Variants in BSN observed in about 807,000 individuals in gnomAD.
The protein encoded by BSN is bassoon presynaptic cytomatrix protein.
A neutral mutation model predicts 264.8 loss-of-function variants in BSN; 57 were observed. That is an observed-to-expected ratio of 0.22 (90% confidence interval 0.17 to 0.27). The LOEUF (loss-of-function observed/expected upper bound fraction) is 0.27, where lower values mean the gene tolerates loss of function less well. BSN is among the 10% of genes least tolerant of loss of function. BSN has a pLI of 1.00. For missense variants in BSN, 4,615 were observed against 5,232.5 expected (o/e 0.88, Z 3.64); for synonymous variants, 2,059 against 2,137.3 (o/e 0.96, Z 1.01).
chr3:49,620,818 C>G (rs2052299749), intron 1 of BSN, among the ~76,000 whole-genome samples: 1 of 152,160 alleles, frequency 6.6e-6, no homozygotes, highest in Non-Finnish European at 1.5e-5. Flanking sequence ...AACTCCGACT[C>G]TACTAAAAAT....
At chr3:49,662,680 G>A in intron 6 of BSN, 118 bp downstream of exon 6, 1 of 1,481,724 alleles carries the variant, frequency 6.7e-7, no homozygotes, top group Non-Finnish European at 8.9e-7. Context: ...TCATCTGGTG[G>A]GCCCTGCTGC....
At chr3:49,557,773 T>A (rs1159710089) in intron 1 of BSN, among the ~76,000 whole-genome samples, 1 of 152,086 alleles carries the variant, frequency 6.6e-6, no homozygotes. Context: ...GAGATGGGAT[T>A]TCACCGTGGT....
At chr3:49,595,513 A>T (rs1166372113) in intron 1 of BSN, among the ~76,000 whole-genome samples, 2 of 149,564 alleles carry the variant, frequency 1.3e-5, no homozygotes, top group African/African-American at 4.9e-5. Context: ...TTTTAAAGAG[A>T]CAGTGTCTTG....
Position 49,654,529 on chromosome 3 carries a change from C to G in BSN, c.4973C>G (p.Pro1658Arg), listed in dbSNP as rs756617370. 2.5e-6 allele frequency: 4 copies of G among 1,611,086 alleles called. No homozygotes were observed. The highest frequency in any genetic ancestry group is 3.3e-5 in the Admixed American group (2 of 59,826). Residue 1658 changes from proline to arginine, a missense_variant, in exon 5 of 12, where the codon CCC (proline) becomes CGC (arginine). Physicochemically the swap from Pro to Arg is moderately radical, Grantham distance 103. Coordinates refer to ENST00000296452, the MANE Select transcript of BSN (RefSeq NM_003458.4). This position sits in a 1 kb window ranked among gnomAD's most constrained non-coding sequence, Gnocchi z 4.1. ...VPGTSRVEPG[P>R]RTPGTAVVDL... is the part of the protein sequence containing the mutation. ...GGGACGTCTAGGGTTGAGCCAGGCC[C>G]CAGGACCCCTGGCACTGCAGTGGTA...
intron 1 of BSN, among the ~76,000 whole-genome samples, chr3:49,603,082 G>T (rs1252818310): frequency 6.6e-6 from 1 of 152,216 alleles, no homozygotes; most frequent in African/African-American, 2.4e-5. Flanking sequence ...TGGGCAGCTG[G>T]GGCCTGGTCT....
chr3:49,630,089 C>T (rs1453873858), intron 2 of BSN, among the ~76,000 whole-genome samples: 1 of 152,252 alleles, frequency 6.6e-6, no homozygotes, highest in Non-Finnish European at 1.5e-5. Flanking sequence ...CCAGATGGCT[C>T]GGGGGTGGTG....
Position 49,660,473 on chromosome 3 carries a change from C to T in BSN, c.8641-13C>T, listed in dbSNP as rs772247186. 2 of 1,525,702 alleles carry T rather than the reference C, an allele frequency of 1.3e-6. No homozygotes were observed. Among genetic ancestry groups the T allele is most frequent in the African/African-American group, 1.4e-5 (1 of 72,198 alleles). The allele number at this position is 1,525,702 out of a possible 1,614,324, so 94.5% of individuals were successfully genotyped here. ...TTGGGTCTCAGTGCTGCCCACCCTT[C>T]CCTCTGTCTCAGGTGTCGGCGTTGC... On this transcript the variant is annotated splice_polypyrimidine_tract_variant and intron_variant, in intron 5 of 11. Transcript: ENST00000296452. This position sits in a 1 kb window ranked among gnomAD's most constrained non-coding sequence, Gnocchi z 7.1.
chr3:49,632,271 GGTT>G (rs2052388478), intron 2 of BSN, among the ~76,000 whole-genome samples: 2 of 152,072 alleles, frequency 1.3e-5, no homozygotes, highest in Non-Finnish European at 2.9e-5. Context: ...ATTTGGCAGT[GGTT>G]TCTTGGATAT....
intron 1 of BSN, among the ~76,000 whole-genome samples, chr3:49,606,988 C>T (rs1292644397): frequency 2.6e-5 from 4 of 152,128 alleles, no homozygotes; most frequent in South Asian, 4.2e-4. Context: ...TGGTGGTGGG[C>T]GCCTCAGTTT....
chr3:49,655,669 A>C lies in BSN; in HGVS notation c.6113A>C (p.Gln2038Pro). 2 of 1,613,596 alleles carry C rather than the reference A, an allele frequency of 1.2e-6. No individual in the cohort carries two copies. Among genetic ancestry groups the C allele is most frequent in the Non-Finnish European group, 1.7e-6 (2 of 1,180,014 alleles). The change falls in exon 5 of 12, where the codon CAG (glutamine) becomes CCG (proline). Residue 2038 changes from glutamine (Q) to proline (P), a missense_variant. Around this residue, in one of 3 missense-constraint regions of BSN, gnomAD observed 3,415 missense variants for 3,866.4 expected, o/e 0.88. Coordinates refer to ENST00000296452, the MANE Select transcript of BSN (RefSeq NM_003458.4). ...GGACGCTACCTAGGGCAGGGCTTGC[A>C]GTATGGCTCAGTCACGGACCTGCGT... Reference protein sequence around the residue: ...ADGRYLGQGLQYGSVTDLRHP... With the variant: ...ADGRYLGQGLPYGSVTDLRHP...
intron 2 of BSN, among the ~76,000 whole-genome samples, chr3:49,627,958 T>G (rs997377123): frequency 6.6e-6 from 1 of 152,202 alleles, no homozygotes; most frequent in Non-Finnish European, 1.5e-5. Flanking sequence ...GCTGCTAGTG[T>G]AGTCACGCTG....
chr3:49,664,895 C>T, intron 10 of BSN, 42 bp downstream of exon 10: 1 of 1,493,058 alleles, frequency 6.7e-7, no homozygotes, highest in South Asian at 1.1e-5. Flanking sequence ...CTGGGAAAGG[C>T]CCGAGGCACT....
chr3:49,662,960 A>T lies in BSN; in HGVS notation c.10802A>T (p.His3601Leu). 6.2e-7 allele frequency: 1 copy of T among 1,614,150 alleles called. No homozygotes were observed. The highest frequency in any genetic ancestry group is 8.5e-7 in the Non-Finnish European group (1 of 1,180,010). ...RSDRFRHHGG[H>L]AVSSSSQKRG... ...GACCGGTTCAGGCACCACGGGGGCC[A>T]TGCAGTTTCCTCCTCCTCCCAGAAG... The change falls in exon 7 of 12, where the codon CAT becomes CTT. Residue 3601 changes from histidine to leucine, a missense_variant. By Grantham distance (99) the His-to-Leu change is moderately conservative (BLOSUM62 -3). Transcript: ENST00000296452.
intron 1 of BSN, among the ~76,000 whole-genome samples, chr3:49,604,985 C>T (rs910599265): frequency 4.0e-5 from 6 of 151,624 alleles, no homozygotes; most frequent in Non-Finnish European, 5.9e-5. Flanking sequence ...GCAGGCTGGG[C>T]GCGGTAGCTC....
chr3:49,622,320 T>C (rs1559607537), intron 1 of BSN, among the ~76,000 whole-genome samples: 1 of 152,140 alleles, frequency 6.6e-6, no homozygotes, highest in African/African-American at 2.4e-5. Flanking sequence ...CGTGGACATA[T>C]ATCGCGATCT....
At chr3:49,658,553 C>A (rs2052630290) in intron 5 of BSN, among the ~76,000 whole-genome samples, 1 of 152,204 alleles carries the variant, frequency 6.6e-6, no homozygotes, top group Non-Finnish European at 1.5e-5. Context: ...GGACCCCTTC[C>A]ACTCCAAACT....
At chr3:49,622,456 GTTTAGAACCC>G (rs1488424271) in intron 1 of BSN, among the ~76,000 whole-genome samples, 1 of 152,166 alleles carries the variant, frequency 6.6e-6, no homozygotes, top group East Asian at 1.9e-4. Flanking sequence ...CCACAGCTGA[GTTTAGAACCC>G]TAAATGTCTC....
chr3:49,636,141 G>A (rs1368602668), intron 2 of BSN, among the ~76,000 whole-genome samples: 1 of 152,234 alleles, frequency 6.6e-6, no homozygotes, highest in Admixed American at 6.5e-5. Context: ...GCTTTGAGAA[G>A]TGGTCTGCAG....
At chr3:49,571,012 G>A (rs1383666021) in intron 1 of BSN, among the ~76,000 whole-genome samples, 2 of 152,060 alleles carry the variant, frequency 1.3e-5, no homozygotes, top group Non-Finnish European at 2.9e-5. Flanking sequence ...AGGGAATGTG[G>A]GCCTCAGTCA....
Sources: gnomAD v4.1 joint callset for allele counts (sites outside exome capture counted in the v4.1 genomes callset) on GRCh38, gnomAD v4.1.1 for gene constraint, gnomAD v4.1.1 regional missense constraint, Gnocchi (gnomAD v3.1) non-coding constraint, MANE v1.5 for transcripts, NCBI Gene and HGNC (gene_info 2026-07-23, HGNC 2026-07-21) for gene names.